The following PIK3AP1 variants were observed in gnomAD, a reference collection of about 807,000 sequenced individuals.
The protein encoded by PIK3AP1 is phosphoinositide 3-kinase adapter protein 1.
PIK3AP1 carries 21 observed loss-of-function variants against 88.1 expected under a neutral mutation model. That is an observed-to-expected ratio of 0.24 (90% CI 0.17 to 0.34). The LOEUF (loss-of-function observed/expected upper bound fraction) is 0.34. PIK3AP1 is among the 10% of genes least tolerant of loss of function. The probability of loss-of-function intolerance (pLI) is 1.00; values close to 1 mark genes in which losing one functional copy is unlikely to be tolerated. For synonymous variants in PIK3AP1, 398 were observed against 400.0 expected (o/e 1.00, Z 0.06); for missense variants, 828 against 1,035.7 (o/e 0.80, Z 2.75).
At chr10:96,689,059 G>A (rs1285749646) in intron 2 of PIK3AP1, among the ~76,000 whole-genome samples, 1 of 152,060 alleles carries the variant, frequency 6.6e-6, no homozygotes, top group African/African-American at 2.4e-5. Flanking sequence ...GATAAAATGG[G>A]TAAGGCTCTT....
rs1205152684 is a variant in PIK3AP1 at position 96,678,504 on chromosome 10, C to G, written c.431-21570G>C. 3.9e-5 allele frequency among the ~76,000 whole-genome samples: 6 copies of G among 152,216 alleles called. No individual in the cohort carries two copies. In the East Asian group the frequency reaches 9.7e-4, roughly 24 times the overall value. ...AGGTTGGTCTCGAACTCCTGGGCTCCATGGATCCTCCCACCTTGATCTCCC... is the reference window on the plus strand; with the variant it reads ...AGGTTGGTCTCGAACTCCTGGGCTCGATGGATCCTCCCACCTTGATCTCCC... On this transcript the variant is annotated intron_variant, in intron 2 of 16. Transcript: ENST00000339364.
At chr10:96,603,813 C>T (rs1420184555) in intron 15 of PIK3AP1, 166 bp downstream of exon 15, 2 of 661,256 alleles carry the variant, frequency 3.0e-6, no homozygotes, top group Non-Finnish European at 4.9e-6. Flanking sequence ...CTGGCAACCA[C>T]CAATCTTCAA....
chr10:96,617,601 A>C (rs557114731), intron 12 of PIK3AP1, among the ~76,000 whole-genome samples: 17 of 152,312 alleles, frequency 1.1e-4, no homozygotes, highest in African/African-American at 3.8e-4. Flanking sequence ...GAGACTATGG[A>C]GTATGCCAGA....
intron 10 of PIK3AP1, among the ~76,000 whole-genome samples, chr10:96,625,735 A>G (rs1048206702): frequency 6.6e-6 from 1 of 152,102 alleles, no homozygotes; most frequent in African/African-American, 2.4e-5. Flanking sequence ...GTTCCAGAGC[A>G]CAGATCTGGC....
At chr10:96,643,992 C>A (rs1196841982) in intron 8 of PIK3AP1, among the ~76,000 whole-genome samples, 1 of 152,184 alleles carries the variant, frequency 6.6e-6, no homozygotes, top group Non-Finnish European at 1.5e-5. Flanking sequence ...CATTTGGTAG[C>A]GAATGATGGT....
chr10:96,664,909 C>T (rs1843741052), intron 2 of PIK3AP1, among the ~76,000 whole-genome samples: 1 of 144,752 alleles, frequency 6.9e-6, no homozygotes, highest in Non-Finnish European at 1.6e-5. Flanking sequence ...AAGTTTCCTT[C>T]AAAGGAAATG....
intron 15 of PIK3AP1, 150 bp downstream of exon 15, chr10:96,603,829 C>T (rs1848952084): frequency 4.1e-6 from 3 of 728,706 alleles, no homozygotes; most frequent in Non-Finnish European, 6.4e-6. Context: ...TTCAAACTGT[C>T]TCTGTGGATT....
At chr10:96,634,032 G>A (rs1843281091) in intron 8 of PIK3AP1, among the ~76,000 whole-genome samples, 3 of 152,158 alleles carry the variant, frequency 2.0e-5, no homozygotes, top group African/African-American at 7.2e-5. Context: ...ACCAGACTTG[G>A]AGCTCCCATG....
At chr10:96,629,909 C>CAAAAAAAA (rs66669261) in intron 8 of PIK3AP1, among the ~76,000 whole-genome samples, 10 of 5,406 alleles carry the variant, frequency 1.8e-3, no homozygotes, top group Admixed American at 3.5e-3. Flanking sequence ...CAACAACAAC[C>CAAAAAAAA]AAAAAAAAAA....
intron 2 of PIK3AP1, among the ~76,000 whole-genome samples, chr10:96,709,254 T>TCTCTGC (rs1844406888): frequency 6.6e-6 from 1 of 151,600 alleles, no homozygotes; most frequent in South Asian, 2.1e-4. Context: ...GCAAACTAAG[T>TCTCTGC]CTCTGCCTCC....
At position 96,614,093 on chromosome 10, in the gene PIK3AP1, C is replaced by T. The variant is rs1849172533; in HGVS notation, c.2014+2546G>A. Among the ~76,000 whole-genome samples, 4 of 152,104 alleles carry T rather than the reference C, an allele frequency of 2.6e-5. No individual in the cohort carries two copies. In the South Asian group the frequency reaches 6.2e-4, roughly 24 times the overall value. On this transcript the variant is annotated intron_variant, in intron 13 of 16. Coordinates refer to ENST00000339364, the MANE Select transcript of PIK3AP1 (RefSeq NM_152309.3). ...TGTCCTGCTTCAGTATCTCCAGTGGCACCAGGTGGGGAGCCCAGATGAGTG... is the reference window on the plus strand; with the variant it reads ...TGTCCTGCTTCAGTATCTCCAGTGGTACCAGGTGGGGAGCCCAGATGAGTG...
chr10:96,666,856 A>C (rs1843770373), intron 2 of PIK3AP1, among the ~76,000 whole-genome samples: 1 of 152,000 alleles, frequency 6.6e-6, no homozygotes, highest in Non-Finnish European at 1.5e-5. Context: ...CACGGAGCAG[A>C]GGTAGGAATC....
rs150536009 is a variant in PIK3AP1 at position 96,688,536 on chromosome 10, C to T, written c.430+21031G>A. On this transcript the variant is annotated intron_variant, in intron 2 of 16. Transcript: ENST00000339364. ...ACATTAGGCTGGGCGCGGTGGCTCACGCCTATAATCCCAGCAGTTTGGTAG... is the reference window on the plus strand; with the variant it reads ...ACATTAGGCTGGGCGCGGTGGCTCATGCCTATAATCCCAGCAGTTTGGTAG... Among the ~76,000 whole-genome samples the T allele has an allele frequency of 3.1e-3, 471 of 152,318 alleles. 3 individuals carry two copies. The highest frequency in any genetic ancestry group is 0.017 in the Middle Eastern group (5 of 294).
At chr10:96,654,646 A>G (rs1033076200) in intron 3 of PIK3AP1, among the ~76,000 whole-genome samples, 8 of 152,192 alleles carry the variant, frequency 5.3e-5, no homozygotes, top group Non-Finnish European at 8.8e-5. Context: ...CCCTCTCCCC[A>G]GGATCCAGAA....
chr10:96,678,434 C>CA (rs1230224080), intron 2 of PIK3AP1, among the ~76,000 whole-genome samples: 1 of 149,724 alleles, frequency 6.7e-6, no homozygotes, highest in Admixed American at 6.6e-5. Flanking sequence ...GATCCTGTCT[C>CA]AAAAAAAATT....
chr10:96,680,938 T>TA (rs1228980987), intron 2 of PIK3AP1, among the ~76,000 whole-genome samples: 53 of 152,298 alleles, frequency 3.5e-4, no homozygotes, highest in African/African-American at 1.3e-3. Context: ...TCACTCAGTG[T>TA]AAAATCTACC....
At chr10:96,654,521 C>G (rs1843588422) in intron 3 of PIK3AP1, among the ~76,000 whole-genome samples, 1 of 152,148 alleles carries the variant, frequency 6.6e-6, no homozygotes, top group Admixed American at 6.5e-5. Context: ...GTCGTCCCTC[C>G]TGCTGCAGGC....
intron 4 of PIK3AP1, among the ~76,000 whole-genome samples, chr10:96,652,439 G>C (rs1281953978): frequency 6.6e-6 from 1 of 152,094 alleles, no homozygotes; most frequent in Non-Finnish European, 1.5e-5. Flanking sequence ...CAGGTGTGGT[G>C]GTGGGTGCCT....
At chr10:96,651,407 A>G (rs749601180) in intron 5 of PIK3AP1, 27 bp from the exon 6 acceptor site, 30 of 1,614,080 alleles carry the variant, frequency 1.9e-5, no homozygotes, top group Middle Eastern at 1.6e-4. Context: ...AGATGGTCAG[A>G]TCTGAAATCC....
Sources: gnomAD v4.1 joint callset for allele counts (sites outside exome capture counted in the v4.1 genomes callset) on GRCh38, gnomAD v4.1.1 for gene constraint, MANE v1.5 for transcripts, NCBI Gene and HGNC (gene_info 2026-07-23, HGNC 2026-07-21) for gene names.